Variants in KCNH8 observed in about 807,000 individuals in gnomAD.
The protein encoded by KCNH8 is potassium voltage-gated channel subfamily H member 8, also known as voltage-gated delayed rectifier potassium channel KCNH8.
In KCNH8, 70 loss-of-function variants were observed where a neutral mutation model predicts 103.6. The ratio of observed to expected loss-of-function variants is 0.68; its 90% confidence interval spans 0.56 to 0.82. The LOEUF is 0.82. Ranked by LOEUF, KCNH8 falls within the 40% of genes least tolerant of loss-of-function variation. KCNH8 has a pLI of 0.00. For missense variants in KCNH8, 1,217 were observed against 1,329.9 expected (o/e 0.92, Z 1.32); for synonymous variants, 498 against 489.4 (o/e 1.02, Z -0.23).
At chr3:19,241,079 C>T (rs1186172264) in intron 1 of KCNH8, among the ~76,000 whole-genome samples, 1 of 152,146 alleles carries the variant, frequency 6.6e-6, no homozygotes, top group Non-Finnish European at 1.5e-5. Context: ...AATTAAGATA[C>T]CTCTGCTGTA....
At chr3:19,333,074 T>C (rs142981252) in intron 3 of KCNH8, among the ~76,000 whole-genome samples, 3 of 152,332 alleles carry the variant, frequency 2.0e-5, no homozygotes, top group Non-Finnish European at 2.9e-5. Flanking sequence ...TCTATTGATA[T>C]CTCATTGTAG....
chr3:19,225,836 G>A (rs546908202), intron 1 of KCNH8, among the ~76,000 whole-genome samples: 5 of 152,246 alleles, frequency 3.3e-5, no homozygotes, highest in African/African-American at 7.2e-5. Context: ...AAAATTAAAT[G>A]TATTCATTTA....
chr3:19,294,187 A>G (rs960362160), intron 3 of KCNH8, among the ~76,000 whole-genome samples: 8 of 152,164 alleles, frequency 5.3e-5, no homozygotes, highest in African/African-American at 1.9e-4. Flanking sequence ...TTAAGTTTAC[A>G]AGAATCTCAA....
chr3:19,474,753 G>C (rs2067934944), intron 11 of KCNH8, among the ~76,000 whole-genome samples: 1 of 152,124 alleles, frequency 6.6e-6, no homozygotes, highest in Non-Finnish European at 1.5e-5. Flanking sequence ...TTTGAAAGCG[G>C]AACATATGAT....
chr3:19,329,114 C>A (rs912401591), intron 3 of KCNH8, among the ~76,000 whole-genome samples: 1 of 152,138 alleles, frequency 6.6e-6, no homozygotes, highest in Admixed American at 6.6e-5. Context: ...CCCAATATTT[C>A]TTTTAAGAGT....
intron 3 of KCNH8, among the ~76,000 whole-genome samples, chr3:19,320,193 A>G (rs1397876703): frequency 1.3e-5 from 2 of 151,980 alleles, no homozygotes; most frequent in Non-Finnish European, 2.9e-5. Context: ...TTCCAGTACT[A>G]TGTTGAATAT....
At chr3:19,259,658 G>A (rs2064401811) in intron 2 of KCNH8, among the ~76,000 whole-genome samples, 1 of 151,484 alleles carries the variant, frequency 6.6e-6, no homozygotes, top group South Asian at 2.1e-4. Context: ...TGATGACATA[G>A]TAAATGCCCC....
At chr3:19,281,072 A>T in intron 2 of KCNH8, 126 bp from the exon 3 acceptor site, 1 of 898,804 alleles carries the variant, frequency 1.1e-6, no homozygotes, top group Non-Finnish European at 1.7e-6. Context: ...TGACATTTTT[A>T]AGATGGAGGG....
chr3:19,507,740 G>A (rs1043358075), intron 11 of KCNH8, among the ~76,000 whole-genome samples: 3 of 152,128 alleles, frequency 2.0e-5, no homozygotes, highest in African/African-American at 7.2e-5. Flanking sequence ...TTTCCACAGG[G>A]CAGCTGCATT....
At chr3:19,468,228 TGCC>T (rs1291971324) in intron 11 of KCNH8, among the ~76,000 whole-genome samples, 1 of 152,228 alleles carries the variant, frequency 6.6e-6, no homozygotes, top group Admixed American at 6.5e-5. Flanking sequence ...ATAGCCCCAG[TGCC>T]TAGGTCAGAG....
At chr3:19,399,278 T>C (rs1425775104) in intron 7 of KCNH8, among the ~76,000 whole-genome samples, 1 of 151,938 alleles carries the variant, frequency 6.6e-6, no homozygotes, top group Non-Finnish European at 1.5e-5. Context: ...GAGTGGAGGA[T>C]GCTTTATTTG....
At chr3:19,248,098 T>C (rs1307984560) in intron 1 of KCNH8, among the ~76,000 whole-genome samples, 1 of 152,080 alleles carries the variant, frequency 6.6e-6, no homozygotes, top group Non-Finnish European at 1.5e-5. Context: ...CAATAATATA[T>C]GAAAGGGTAT....
At chr3:19,234,602 G>A (rs770972711) in intron 1 of KCNH8, among the ~76,000 whole-genome samples, 14 of 149,054 alleles carry the variant, frequency 9.4e-5, no homozygotes, top group Middle Eastern at 3.6e-3. Flanking sequence ...CCGCAGGCCC[G>A]GTTCCCGCCC....
At chr3:19,341,331 A>C (rs1280056888) in intron 3 of KCNH8, among the ~76,000 whole-genome samples, 1 of 152,022 alleles carries the variant, frequency 6.6e-6, no homozygotes, top group African/African-American at 2.4e-5. Context: ...CTATCAGGAG[A>C]CTATCTTTCA....
rs869048680 is a variant in KCNH8, at chr3:19,466,649, ATTTTTTTTTTTTTTTTT to A, written c.2040+9683_2040+9699del. On this transcript the variant is annotated intron_variant, in intron 11 of 15. Transcript: ENST00000328405. ...GATTGTTAACATTTTGTAGCAATAC[ATTTTTTTTTTTTTTTTT>A]TTTTTTTTTTTTTTTAGATGAAGTC... Among the ~76,000 whole-genome samples, 49 of 50,644 alleles carry A rather than the reference ATTTTTTTTTTTTTTTTT, an allele frequency of 9.7e-4. No homozygotes were observed. In the South Asian group the frequency reaches 0.017, roughly 18 times the overall value. 33.2% of individuals were successfully genotyped at this position (50,644 alleles called of 152,430 possible).
intron 3 of KCNH8, among the ~76,000 whole-genome samples, chr3:19,314,392 A>C (rs113449074): frequency 3.4e-4 from 52 of 152,006 alleles, no homozygotes; most frequent in African/African-American, 1.1e-3. Flanking sequence ...CAGCATAGAC[A>C]GACACTGATT....
At chr3:19,484,170 A>C (rs2068152596) in intron 11 of KCNH8, among the ~76,000 whole-genome samples, 1 of 152,036 alleles carries the variant, frequency 6.6e-6, no homozygotes, top group South Asian at 2.1e-4. Context: ...TTAGTTCTTA[A>C]TCTTATTTTA....
intron 5 of KCNH8, among the ~76,000 whole-genome samples, chr3:19,357,511 G>A (rs1351642149): frequency 2.0e-5 from 3 of 151,816 alleles, no homozygotes; most frequent in Non-Finnish European, 4.4e-5. Flanking sequence ...GATTGTTTGC[G>A]GCCCCTTTTA....
chr3:19,346,057 A>G (rs2065724444), intron 4 of KCNH8, among the ~76,000 whole-genome samples: 1 of 152,088 alleles, frequency 6.6e-6, no homozygotes, highest in Non-Finnish European at 1.5e-5. Context: ...TTTCTGTAAT[A>G]CGATAGAAAA....
Sources: allele counts gnomAD v4.1 joint callset (sites outside exome capture counted in the v4.1 genomes callset), GRCh38; gene constraint gnomAD v4.1.1; transcripts MANE v1.5; gene names NCBI Gene and HGNC (gene_info 2026-07-23, HGNC 2026-07-21).